P2RY2: variants seen among roughly 807,000 people sequenced by gnomAD.
P2RY2 encodes the protein purinergic receptor P2Y2, also known as P2Y purinoceptor 2.
For missense variants in P2RY2, 567 were observed against 515.7 expected, an observed-to-expected ratio of 1.10 and a Z score of -0.96; for synonymous variants, 241 against 231.9, an observed-to-expected ratio of 1.04 and a Z score of -0.35.
In P2RY2 at chr11:73,234,257, A is replaced by T; in HGVS notation, c.98A>T (p.Tyr33Phe). The change falls in exon 3 of 3, where the codon TAC becomes TTC. Residue 33 changes from tyrosine to phenylalanine, a missense_variant. Coordinates refer to ENST00000393597, the MANE Select transcript of P2RY2 (RefSeq NM_002564.4). ...YRCRFNEDFKYVLLPVSYGVV... is the reference protein window; with the variant it reads ...YRCRFNEDFKFVLLPVSYGVV... ...TGCCGCTTCAACGAGGACTTCAAGT[A>T]CGTGCTGCTGCCTGTGTCCTACGGC... is the stretch of plus-strand genomic sequence containing the variant. The T allele has an allele frequency of 6.2e-7, 1 of 1,614,216 alleles. No individual in the cohort carries two copies. The highest frequency in any genetic ancestry group is 8.5e-7 in the Non-Finnish European group (1 of 1,180,038).
chr11:73,238,498 A>G lies in P2RY2; in HGVS notation c.*3205A>G, dbSNP rs7103608. Among the ~76,000 whole-genome samples the G allele has an allele frequency of 0.024, 3,594 of 152,292 alleles. 140 individuals are homozygous for G. Among genetic ancestry groups the G allele is most frequent in the African/African-American group, 0.082 (3,400 of 41,546 alleles). ...ATCCACACATGGTTGCTCCAGGTCA[A>G]GTCACCAAAGCTACCTCTCTGTCAC... On this transcript the variant is annotated 3_prime_UTR_variant, in exon 3 of 3. Coordinates refer to ENST00000393597, the MANE Select transcript of P2RY2 (RefSeq NM_002564.4).
intron 1 of P2RY2, among the ~76,000 whole-genome samples, chr11:73,224,513 T>C (rs1236499493): frequency 2.0e-5 from 3 of 152,222 alleles, no homozygotes; most frequent in Non-Finnish European, 4.4e-5. Context: ...ATCGCCTGTT[T>C]CTGAGTGTGC....
At position 73,234,139 on chromosome 11, in the gene P2RY2, C is replaced by A; in HGVS notation, c.-4-17C>A. 1 of 1,584,382 alleles carries A rather than the reference C, an allele frequency of 6.3e-7. No homozygotes were observed. Among genetic ancestry groups the A allele is most frequent in the East Asian group, 2.2e-5 (1 of 44,626 alleles). ...CCGGCCACAACCCTGATGGCCCCACCCCTCCCTTCCCTGCAGGGCGATGGC... is the reference window on the plus strand; with the variant it reads ...CCGGCCACAACCCTGATGGCCCCACACCTCCCTTCCCTGCAGGGCGATGGC... On this transcript the variant is annotated splice_polypyrimidine_tract_variant and intron_variant, in intron 2 of 2. Transcript: ENST00000393597.
chr11:73,219,464 G>A lies in P2RY2; in HGVS notation c.-200+1032G>A, dbSNP rs1348939679. On this transcript the variant is annotated intron_variant, in intron 1 of 2. Coordinates refer to ENST00000393597, the MANE Select transcript of P2RY2 (RefSeq NM_002564.4). ...GTCTGTAAGAAGGGACTAATGATAAGGAATTTGAGGGCTGTTGAGGAGCTG... is the reference window on the plus strand; with the variant it reads ...GTCTGTAAGAAGGGACTAATGATAAAGAATTTGAGGGCTGTTGAGGAGCTG... Among the ~76,000 whole-genome samples the A allele has an allele frequency of 2.6e-5, 4 of 152,206 alleles. No individual in the cohort carries two copies. In the East Asian group the frequency reaches 7.7e-4, roughly 29 times the overall value.
chr11:73,224,556 T>G (rs1862222460), intron 1 of P2RY2, among the ~76,000 whole-genome samples: 1 of 152,120 alleles, frequency 6.6e-6, no homozygotes, highest in Non-Finnish European at 1.5e-5. Flanking sequence ...TTCCTTGAGA[T>G]CTGACCTACC....
At chr11:73,233,886 C>T (rs897527675) in intron 2 of P2RY2, 10 of 501,056 alleles carry the variant, frequency 2.0e-5, no homozygotes, top group South Asian at 2.9e-5. Flanking sequence ...AGATGGGCAC[C>T]GTTGTGTTCC....
intron 2 of P2RY2, 41 bp downstream of exon 2, chr11:73,228,216 G>C: frequency 6.6e-6 from 1 of 150,780 alleles, no homozygotes; most frequent in Admixed American, 6.6e-5. Flanking sequence ...TACGCTGGCC[G>C]GGAGGTGAGG....
intron 1 of P2RY2, 68 bp from the exon 2 acceptor site, chr11:73,227,913 G>T (rs953629902): frequency 6.6e-6 from 1 of 152,238 alleles, no homozygotes; most frequent in South Asian, 2.1e-4. Context: ...GTGGCCCTGG[G>T]GGGGATTGAC....
At chr11:73,222,171 T>C (rs1591624940) in intron 1 of P2RY2, among the ~76,000 whole-genome samples, 1 of 152,104 alleles carries the variant, frequency 6.6e-6, no homozygotes, top group Non-Finnish European at 1.5e-5. Flanking sequence ...GAAAGGGACC[T>C]CCCTCAGACT....
chr11:73,234,044 G>C, intron 2 of P2RY2, 112 bp from the exon 3 acceptor site: 1 of 1,316,664 alleles, frequency 7.6e-7, no homozygotes, highest in Non-Finnish European at 1.0e-6. Flanking sequence ...GGAGGTTCCA[G>C]GTCCAGATCC....
In P2RY2 at chr11:73,236,732, C is replaced by T. The variant is rs915160167; in HGVS notation, c.*1439C>T. 3.5e-5 allele frequency: 34 copies of T among 985,254 alleles called. No homozygotes were observed. The Middle Eastern group carries it at 1.5e-3, about 45-fold the overall frequency. The allele number at this position is 985,254 out of a possible 1,614,324, so 61.0% of individuals were successfully genotyped here. On this transcript the variant is annotated 3_prime_UTR_variant, in exon 3 of 3. Transcript: ENST00000393597. ...GAAAGAGATTCACTCCTCCTCCTGTCCATCGTCTGCCTTCTGGGAAAATCC... is the reference window on the plus strand; with the variant it reads ...GAAAGAGATTCACTCCTCCTCCTGTTCATCGTCTGCCTTCTGGGAAAATCC...
intron 1 of P2RY2, among the ~76,000 whole-genome samples, chr11:73,222,663 C>A (rs1230506716): frequency 1.3e-5 from 2 of 152,130 alleles, no homozygotes; most frequent in African/African-American, 4.8e-5. Flanking sequence ...TTGCTCATGC[C>A]TCTCCTGCCT....
intron 2 of P2RY2, among the ~76,000 whole-genome samples, chr11:73,232,581 G>A (rs12222026): frequency 6.6e-6 from 1 of 152,020 alleles, no homozygotes; most frequent in Non-Finnish European, 1.5e-5. Flanking sequence ...TTGTGTGTGT[G>A]TATTTTTAGT....
chr11:73,237,875 G>A lies in P2RY2; in HGVS notation c.*2582G>A, dbSNP rs1862691196. Reference sequence around the variant, plus strand: ...TTTCCACTCCTGGCCCCAGACCATTGTCCAGCAGTGACGTGAGGGGATCTG... The same window carrying A: ...TTTCCACTCCTGGCCCCAGACCATTATCCAGCAGTGACGTGAGGGGATCTG... On this transcript the variant is annotated 3_prime_UTR_variant, in exon 3 of 3. Transcript: ENST00000393597. Among the ~76,000 whole-genome samples the A allele has an allele frequency of 6.6e-6, 1 of 152,184 alleles. No homozygotes were observed. The highest frequency in any genetic ancestry group is 2.1e-4 in the South Asian group (1 of 4,826).
rs1420061922 is a variant in P2RY2 at position 73,236,645 on chromosome 11, G to A, written c.*1352G>A. On this transcript the variant is annotated 3_prime_UTR_variant, in exon 3 of 3. Coordinates refer to ENST00000393597, the MANE Select transcript of P2RY2 (RefSeq NM_002564.4). ...AGGGTTGGGGCTGGGTCACAAGGAGGCCAAGTTAGGGCTCCCTCCTTGCCC... is the reference window on the plus strand; with the variant it reads ...AGGGTTGGGGCTGGGTCACAAGGAGACCAAGTTAGGGCTCCCTCCTTGCCC... The A allele has an allele frequency of 1.0e-6, 1 of 985,284 alleles. No homozygotes were observed. Among genetic ancestry groups the A allele is most frequent in the African/African-American group, 1.7e-5 (1 of 57,236 alleles). The allele number at this position is 985,284 out of a possible 1,614,324, so 61.0% of individuals were successfully genotyped here. A position where few individuals can be genotyped will look rare whatever the true frequency, so the allele number is the denominator to read the frequency against.
chr11:73,237,268 C>T lies in P2RY2; in HGVS notation c.*1975C>T, dbSNP rs1290945042. On this transcript the variant is annotated 3_prime_UTR_variant, in exon 3 of 3. Transcript: ENST00000393597. ...CTGAGTTTTTTTTTTCTTTTTGAGA[C>T]GAAGTCTTGTTCTGTCACCCAGGCT... The T allele has an allele frequency of 2.0e-5, 6 of 306,670 alleles. No individual in the cohort carries two copies. Among genetic ancestry groups the T allele is most frequent in the South Asian group, 1.3e-4 (1 of 7,938 alleles). 19.0% of individuals were successfully genotyped at this position (306,670 alleles called of 1,614,324 possible).
chr11:73,230,457 C>T (rs767526078), intron 2 of P2RY2, among the ~76,000 whole-genome samples: 1 of 152,100 alleles, frequency 6.6e-6, no homozygotes, highest in Non-Finnish European at 1.5e-5. Context: ...GCACTCATAA[C>T]ACCACCGTGG....
At chr11:73,223,186 C>T (rs1862170172) in intron 1 of P2RY2, among the ~76,000 whole-genome samples, 3 of 152,194 alleles carry the variant, frequency 2.0e-5, no homozygotes, top group Admixed American at 6.5e-5. Flanking sequence ...CCTGGAGGTA[C>T]CTGGAGGGGC....
At position 73,223,268 on chromosome 11, in the gene P2RY2, T is replaced by A. The variant is rs368444518; in HGVS notation, c.-199-4713T>A. ...CCCCCTTTCCACCTTGGATTCTCCA[T>A]CCACCTTCTTTCCTCCCAAGCTGGA... On this transcript the variant is annotated intron_variant, in intron 1 of 2. Coordinates refer to ENST00000393597, the MANE Select transcript of P2RY2 (RefSeq NM_002564.4). Among the ~76,000 whole-genome samples, 38 of 152,182 alleles carry A rather than the reference T, an allele frequency of 2.5e-4. 2 individuals are homozygous for A. The highest frequency in any genetic ancestry group is 2.5e-3 in the Admixed American group (38 of 15,280).
Sources: allele counts gnomAD v4.1 joint callset (sites outside exome capture counted in the v4.1 genomes callset), GRCh38; gene constraint gnomAD v4.1.1; transcripts MANE v1.5; gene names NCBI Gene and HGNC (gene_info 2026-07-23, HGNC 2026-07-21).